DOCK8: variants seen among roughly 807,000 people sequenced by gnomAD.
DOCK8 encodes the protein dedicator of cytokinesis protein 8.
DOCK8 carries 141 observed loss-of-function variants against 245.6 expected under a neutral mutation model. The observed-to-expected ratio is 0.57, with a 90% confidence interval of 0.50 to 0.66. The LOEUF is 0.66. Among genes scored for constraint, DOCK8 ranks in the 30% least tolerant of loss-of-function variants. The pLI is 0.00. For synonymous variants in DOCK8, 1,168 were observed against 970.2 expected, an observed-to-expected ratio of 1.20 and a Z score of -3.79; for missense variants, 2,965 against 2,603.4, an observed-to-expected ratio of 1.14 and a Z score of -3.02.
chr9:425,640 C>T lies in DOCK8; in HGVS notation c.4242-1245C>T, dbSNP rs929721542. ...AAATTTGATGGCTCATGCCTGTGGT[C>T]CCAGATACTCAGGAGGCTAAGGCAG... On this transcript the variant is annotated intron_variant, in intron 33 of 47. Coordinates refer to ENST00000432829, the MANE Select transcript of DOCK8 (RefSeq NM_203447.4). Among the ~76,000 whole-genome samples the T allele has an allele frequency of 2.0e-5, 3 of 151,308 alleles. No homozygotes were observed. In the East Asian group the frequency reaches 5.8e-4, roughly 29 times the overall value.
chr9:355,192 C>CTTTTTTTTTTTTT (rs749045514), intron 14 of DOCK8, among the ~76,000 whole-genome samples: 5 of 121,082 alleles, frequency 4.1e-5, no homozygotes, highest in Admixed American at 8.8e-5. Context: ...TGTTTCTTTT[C>CTTTTTTTTTTTTT]TTTTTTTTTT....
intron 14 of DOCK8, among the ~76,000 whole-genome samples, chr9:349,996 C>G (rs145392145): frequency 1.3e-5 from 2 of 152,308 alleles, no homozygotes; most frequent in Non-Finnish European, 2.9e-5. Context: ...TGTTCTTCCC[C>G]TAACTCCCAT....
chr9:459,110 C>T (rs572201727), intron 46 of DOCK8, among the ~76,000 whole-genome samples: 3 of 152,328 alleles, frequency 2.0e-5, no homozygotes, highest in Non-Finnish European at 4.4e-5. Context: ...ATGGTTGTAT[C>T]ACTAAGTGAG....
rs141746047 is a variant in DOCK8, at chr9:323,093, CA to C, written c.828-2563del. On this transcript the variant is annotated intron_variant, in intron 7 of 47. Coordinates refer to ENST00000432829, the MANE Select transcript of DOCK8 (RefSeq NM_203447.4). Reference sequence around the variant, plus strand: ...GGGTGACAAGAGCAAAACTCCATCTCAAAAAAAAAAAAAAAGAAAGCCCCCA... The same window carrying C: ...GGGTGACAAGAGCAAAACTCCATCTCAAAAAAAAAAAAAAGAAAGCCCCCA... 6.2e-3 allele frequency among the ~76,000 whole-genome samples: 626 copies of C among 100,260 alleles called. 3 individuals carry two copies. The highest frequency in any genetic ancestry group is 0.015 in the African/African-American group (453 of 29,818). 65.8% of individuals were successfully genotyped at this position (100,260 alleles called of 152,430 possible).
intron 1 of DOCK8, among the ~76,000 whole-genome samples, chr9:249,343 C>T (rs1375993409): frequency 6.6e-6 from 1 of 152,166 alleles, no homozygotes; most frequent in East Asian, 1.9e-4. Context: ...TGACCACAGC[C>T]TGTGACTCCA....
chr9:319,961 T>C (rs2050513857), intron 7 of DOCK8, among the ~76,000 whole-genome samples: 1 of 152,238 alleles, frequency 6.6e-6, no homozygotes, highest in African/African-American at 2.4e-5. Flanking sequence ...AATGCAGATT[T>C]TGGAGGACCT....
chr9:429,762 C>G lies in DOCK8; in HGVS notation c.4534C>G (p.Leu1512Val). 1 of 1,614,182 alleles carries G rather than the reference C, an allele frequency of 6.2e-7. No homozygotes were observed. Among genetic ancestry groups the G allele is most frequent in the Non-Finnish European group, 8.5e-7 (1 of 1,180,040 alleles). The change falls in exon 36 of 48, where the codon CTG becomes GTG. Residue 1512 changes from leucine (L) to valine (V), a missense_variant. Around this residue, in one of 3 missense-constraint regions of DOCK8, gnomAD observed 2,825 missense variants for 2,453.5 expected, o/e 1.15. Transcript: ENST00000432829. ...EQCFDLCHQVLHHCSSSMDVT... is the reference protein window; with the variant it reads ...EQCFDLCHQVVHHCSSSMDVT... ...GTGTTTCGACCTATGTCACCAAGTC[C>G]TGCACCACTGCAGCAGCAGCATGGA...
At chr9:368,241 G>A in intron 15 of DOCK8, 106 bp downstream of exon 15, 1 of 944,082 alleles carries the variant, frequency 1.1e-6, no homozygotes, top group East Asian at 2.4e-5. Flanking sequence ...TCTATTCCAG[G>A]CCAATACTGC....
intron 14 of DOCK8, among the ~76,000 whole-genome samples, chr9:361,989 T>C (rs1269206430): frequency 6.6e-6 from 1 of 152,164 alleles, no homozygotes; most frequent in Non-Finnish European, 1.5e-5. Flanking sequence ...TTCAAAGAGA[T>C]ACCCAGGAAA....
chr9:215,984 G>A (rs1269277935), intron 1 of DOCK8, among the ~76,000 whole-genome samples: 1 of 152,186 alleles, frequency 6.6e-6, no homozygotes, highest in African/African-American at 2.4e-5. Context: ...GTGAAAGGTG[G>A]ATTCCACCGT....
chr9:258,759 G>A (rs531028759), intron 1 of DOCK8, among the ~76,000 whole-genome samples: 24 of 151,710 alleles, frequency 1.6e-4, no homozygotes, highest in Non-Finnish European at 2.6e-4. Flanking sequence ...CACCATGCCC[G>A]GATAATTTTT....
intron 1 of DOCK8, among the ~76,000 whole-genome samples, chr9:222,359 G>A (rs1587609588): frequency 6.6e-6 from 1 of 151,822 alleles, no homozygotes; most frequent in African/African-American, 2.4e-5. Context: ...TTTTTTCTGC[G>A]CTAGTGCAAA....
chr9:214,568 C>G (rs745962587), upstream of DOCK8: 3 of 1,614,080 alleles, frequency 1.9e-6, no homozygotes, highest in Non-Finnish European at 2.5e-6. Flanking sequence ...CCCGACTTGC[C>G]TACATTCCCT....
Position 317,191 on chromosome 9 carries a change from T to C in DOCK8, c.827+63T>C, listed in dbSNP as rs1349721272. 5.3e-6 allele frequency: 7 copies of C among 1,311,974 alleles called. No homozygotes were observed. The African/African-American group carries it at 1.0e-4, about 19-fold the overall frequency. The allele number at this position is 1,311,974 out of a possible 1,614,324, so 81.3% of individuals were successfully genotyped here. On this transcript the variant is annotated intron_variant, in intron 7 of 47. Coordinates refer to ENST00000432829, the MANE Select transcript of DOCK8 (RefSeq NM_203447.4). ...TTATCTTGCCTTTTACATACAAATG[T>C]TGTGTTTATTATCAGAGCTTGAATC...
chr9:448,707 G>A (rs981728837), intron 44 of DOCK8, among the ~76,000 whole-genome samples: 19 of 152,090 alleles, frequency 1.2e-4, no homozygotes, highest in South Asian at 6.2e-4. Context: ...TCCTCTTCTC[G>A]TAAGGACACC....
rs867925222 is a variant in DOCK8 at position 333,593 on chromosome 9, T to C, written c.1126-632T>C. Among the ~76,000 whole-genome samples, 39 of 137,840 alleles carry C rather than the reference T, an allele frequency of 2.8e-4. 1 individual carries two copies. The highest frequency in any genetic ancestry group is 1.1e-3 in the African/African-American group (37 of 33,964). 90.4% of individuals were successfully genotyped at this position (137,840 alleles called of 152,430 possible). A position where few individuals can be genotyped will look rare whatever the true frequency, so the allele number is the denominator to read the frequency against. On this transcript the variant is annotated intron_variant, in intron 10 of 47. Transcript: ENST00000432829. ...TCCAGCCTGGGTGACAGAGTGAGAC[T>C]CTGTCTCAAAAAAAAAAAAAAATAG...
At chr9:316,406 T>C (rs2050349121) in intron 6 of DOCK8, among the ~76,000 whole-genome samples, 1 of 152,234 alleles carries the variant, frequency 6.6e-6, no homozygotes. Flanking sequence ...GTGTTTAGTT[T>C]CTGTGCGGTA....
chr9:413,979 T>G (rs1428705515), intron 28 of DOCK8, among the ~76,000 whole-genome samples: 1 of 152,038 alleles, frequency 6.6e-6, no homozygotes, highest in Non-Finnish European at 1.5e-5. Context: ...CTGTCTCTAC[T>G]AAAAATACAA....
chr9:386,224 G>A, intron 22 of DOCK8, 107 bp from the exon 23 acceptor site: 1 of 938,066 alleles, frequency 1.1e-6, no homozygotes, highest in Non-Finnish European at 1.7e-6. Flanking sequence ...TTGTAACCAG[G>A]AAAAAAAATA....
Sources: gnomAD v4.1 joint callset for allele counts (sites outside exome capture counted in the v4.1 genomes callset) on GRCh38, gnomAD v4.1.1 for gene constraint, gnomAD v4.1.1 regional missense constraint, MANE v1.5 for transcripts, NCBI Gene and HGNC (gene_info 2026-07-23, HGNC 2026-07-21) for gene names.